The following RFX7 variants were observed in gnomAD, a reference collection of about 807,000 sequenced individuals.
RFX7 encodes the protein DNA-binding protein RFX7.
Under a neutral mutation model 111.8 loss-of-function variants are expected in RFX7, and 26 were observed. That is an observed-to-expected ratio of 0.23 (90% CI 0.17 to 0.32). RFX7 has a LOEUF of 0.32. Ranked by LOEUF, RFX7 falls within the 10% of genes least tolerant of loss-of-function variation. The pLI, the probability that RFX7 is intolerant of heterozygous loss-of-function variation, is 1.00. For synonymous variants in RFX7, 624 were observed against 624.4 expected, an observed-to-expected ratio of 1.00 and a Z score of 0.01; for missense variants, 1,573 against 1,772.9, an observed-to-expected ratio of 0.89 and a Z score of 2.02.
intron 2 of RFX7, among the ~76,000 whole-genome samples, chr15:56,235,892 G>A (rs1287321351): frequency 6.6e-6 from 1 of 152,054 alleles, no homozygotes; most frequent in African/African-American, 2.4e-5. Flanking sequence ...TTTCAGATAA[G>A]GCTATTTGGA....
At chr15:56,243,042 T>TCCCCC in intron 2 of RFX7, 83 bp downstream of exon 2, 12 of 543,098 alleles carry the variant, frequency 2.2e-5, no homozygotes, top group Non-Finnish European at 3.3e-5. Context: ...CCTCCTCCGC[T>TCCCCC]CCCCCCGCCC....
chr15:56,186,374 T>C (rs1432795767), intron 2 of RFX7, among the ~76,000 whole-genome samples: 1 of 152,222 alleles, frequency 6.6e-6, no homozygotes, highest in Non-Finnish European at 1.5e-5. Context: ...ATGGGTCATT[T>C]AGAAATTAGT....
intron 5 of RFX7, among the ~76,000 whole-genome samples, chr15:56,125,041 G>A (rs2042124916): frequency 6.6e-6 from 1 of 152,142 alleles, no homozygotes; most frequent in Non-Finnish European, 1.5e-5. Context: ...TAGGGTGAGA[G>A]ATGGGAGTTT....
intron 6 of RFX7, among the ~76,000 whole-genome samples, chr15:56,103,133 T>TTC (rs1269386700): frequency 6.0e-5 from 8 of 134,054 alleles, no homozygotes; most frequent in African/African-American, 2.6e-4. Context: ...CATAAGATTT[T>TTC]TTTTTTTTTT....
rs529508461 is a variant in RFX7 at position 56,095,126 on chromosome 15, C to G, written c.2602G>C (p.Val868Leu). Residue 868 changes from valine to leucine, a missense_variant, in exon 10 of 10, where the codon GTT becomes CTT. By Grantham distance (32) the Val-to-Leu change is conservative. Around this residue, in one of 7 missense-constraint regions of RFX7, gnomAD observed 625 missense variants for 632.2 expected, o/e 0.99. Coordinates refer to ENST00000559447, the MANE Select transcript of RFX7 (RefSeq NM_022841.7). Reference protein sequence around the residue: ...QSELKEFEPSVSQTNESYFPF... With the variant: ...QSELKEFEPSLSQTNESYFPF... ...AAGTAGCTTTCATTTGTCTGGGAAACAGAAGGCTCAAACTCCTTCAGTTCA... is the reference window on the plus strand; with the variant it reads ...AAGTAGCTTTCATTTGTCTGGGAAAGAGAAGGCTCAAACTCCTTCAGTTCA... 4 of 1,613,882 alleles carry G rather than the reference C, an allele frequency of 2.5e-6. No homozygotes were observed. Among genetic ancestry groups the G allele is most frequent in the Non-Finnish European group, 3.4e-6 (4 of 1,179,816 alleles).
At chr15:56,158,322 C>T (rs1033137160) in intron 3 of RFX7, among the ~76,000 whole-genome samples, 9 of 152,128 alleles carry the variant, frequency 5.9e-5, no homozygotes, top group Non-Finnish European at 1.0e-4. Flanking sequence ...ACAAAATGCT[C>T]ATAATTTTTG....
Position 56,096,552 on chromosome 15 carries a change from G to A in RFX7, c.1176C>T (p.Pro392=), listed in dbSNP as rs1346803423. 2 of 1,600,834 alleles carry A rather than the reference G, an allele frequency of 1.2e-6. No homozygotes were observed. The highest frequency in any genetic ancestry group is 2.3e-5 in the South Asian group (2 of 88,722). Residue 392 remains proline, a synonymous_variant, in exon 10 of 10, where the codon CCC becomes CCT. Coordinates refer to ENST00000559447, the MANE Select transcript of RFX7 (RefSeq NM_022841.7). The stretch of plus-strand genomic sequence containing the variant: ...GCTGAGTGACCACCTGTACATTGAG[G>A]GGAAGAACTTTGCCGTCAGAAGAAC... ...PMSSSDGKVL[P]LNVQVVTQHM...
chr15:56,107,558 A>C (rs1008067998), intron 5 of RFX7, among the ~76,000 whole-genome samples: 2 of 152,136 alleles, frequency 1.3e-5, no homozygotes, highest in African/African-American at 4.8e-5. Context: ...GGTAAAATAT[A>C]GTCATGGGAT....
chr15:56,205,244 G>A (rs1385514579), intron 2 of RFX7, among the ~76,000 whole-genome samples: 1 of 152,180 alleles, frequency 6.6e-6, no homozygotes, highest in Non-Finnish European at 1.5e-5. Flanking sequence ...GCCAGTAGCA[G>A]GAAACTCAAG....
rs758855222 is a variant in RFX7 at position 56,095,538 on chromosome 15, T to C, written c.2190A>G (p.Gln730=). 5 of 1,613,708 alleles carry C rather than the reference T, an allele frequency of 3.1e-6. No homozygotes were observed. The South Asian group carries it at 3.3e-5, about 11-fold the overall frequency. Residue 730 remains glutamine, a synonymous_variant, in exon 10 of 10, where the codon CAA becomes CAG. Coordinates refer to ENST00000559447, the MANE Select transcript of RFX7 (RefSeq NM_022841.7). ...TAACAAGGGCAGAGGAATTCAAGGG[T>C]TGATTTGCTCCTATGTGTGAACTGA... The part of the protein sequence containing the change: ...VNVSSHIGAN[Q]PLNSSALVIS...
intron 6 of RFX7, 60 bp from the exon 7 acceptor site, chr15:56,102,313 C>T (rs2041765089): frequency 2.1e-6 from 2 of 946,820 alleles, no homozygotes; most frequent in South Asian, 3.4e-5. Context: ...ACAGACAGCA[C>T]TTTAAAAGTA....
chr15:56,153,329 G>A (rs1050235831), intron 3 of RFX7, among the ~76,000 whole-genome samples: 6 of 152,146 alleles, frequency 3.9e-5, no homozygotes, highest in East Asian at 1.9e-4. Context: ...CAGGCAAACC[G>A]AATCCAGCAG....
At chr15:56,203,792 A>T (rs1268965240) in intron 2 of RFX7, among the ~76,000 whole-genome samples, 1 of 152,216 alleles carries the variant, frequency 6.6e-6, no homozygotes, top group Non-Finnish European at 1.5e-5. Context: ...GGGAAGCATG[A>T]ATAATCCACC....
At chr15:56,195,485 G>C (rs17841131) in intron 2 of RFX7, among the ~76,000 whole-genome samples, 19,793 of 152,050 alleles carry the variant, frequency 0.13, 1,682 homozygotes, top group East Asian at 0.44. Flanking sequence ...TCAACAGATT[G>C]CAAACTATCA....
chr15:56,096,001 T>A lies in RFX7; in HGVS notation c.1727A>T (p.Asp576Val), dbSNP rs1420057355. Residue 576 changes from aspartate to valine, a missense_variant, in exon 10 of 10, where the codon GAC becomes GTC. By Grantham distance (152) the Asp-to-Val change is radical. Transcript: ENST00000559447. ...ATTTGAAGGTTTCTGCAGTGCTCCG[T>A]CTGTATTACTTTTCTGCCCCAAAAG... ...SALLGQKSNT[D>V]GALQKPSNEG... The A allele has an allele frequency of 1.9e-6, 3 of 1,612,750 alleles. No homozygotes were observed. The highest frequency in any genetic ancestry group is 2.5e-6 in the Non-Finnish European group (3 of 1,179,484).
At chr15:56,101,590 T>A in intron 7 of RFX7, 24 bp from the exon 8 acceptor site, 2 of 1,586,126 alleles carry the variant, frequency 1.3e-6, no homozygotes, top group East Asian at 4.5e-5. Flanking sequence ...AAAGGAAATG[T>A]TAACTTGTAA....
At chr15:56,199,261 A>G (rs2043172184) in intron 2 of RFX7, among the ~76,000 whole-genome samples, 1 of 152,172 alleles carries the variant, frequency 6.6e-6, no homozygotes, top group Non-Finnish European at 1.5e-5. Flanking sequence ...AAAGAATATT[A>G]TTTGAAAGTG....
intron 5 of RFX7, among the ~76,000 whole-genome samples, chr15:56,138,409 T>A (rs2042337644): frequency 6.6e-6 from 1 of 150,450 alleles, no homozygotes; most frequent in Non-Finnish European, 1.5e-5. Context: ...TGGTTTAAAG[T>A]CTGTTTTATC....
intron 3 of RFX7, among the ~76,000 whole-genome samples, chr15:56,173,627 A>T (rs1175135340): frequency 6.6e-6 from 1 of 152,034 alleles, no homozygotes; most frequent in East Asian, 1.9e-4. Context: ...CTAAAACTAC[A>T]AAAAATTAGC....
Sources: gnomAD v4.1 joint callset for allele counts (sites outside exome capture counted in the v4.1 genomes callset) on GRCh38, gnomAD v4.1.1 for gene constraint, gnomAD v4.1.1 regional missense constraint, MANE v1.5 for transcripts, NCBI Gene and HGNC (gene_info 2026-07-23, HGNC 2026-07-21) for gene names.